Variants in RPS6KC1 observed in about 807,000 individuals in gnomAD.
The protein encoded by RPS6KC1 is inactive ribosomal protein S6 kinase delta-1.
RPS6KC1 carries 54 observed loss-of-function variants against 103.8 expected under a neutral mutation model. The ratio of observed to expected loss-of-function variants is 0.52; its 90% CI spans 0.42 to 0.65. The LOEUF (loss-of-function observed/expected upper bound fraction) is 0.65. RPS6KC1 is among the 30% of genes least tolerant of loss of function. RPS6KC1 has a pLI of 0.00. For missense variants in RPS6KC1, 1,151 were observed against 1,253.8 expected (o/e 0.92, Z 1.24); for synonymous variants, 439 against 438.7 (o/e 1.00, Z -0.01).
At chr1:213,465,862 C>T in the RPS6KC1 span, among the ~76,000 whole-genome samples, 1 of 152,066 alleles carries the variant, frequency 6.6e-6, no homozygotes, top group Non-Finnish European at 1.5e-5. Context: ...GCTTGTGATT[C>T]CCAGGCTCAG....
At chr1:213,209,321 C>T (rs1198610992) in intron 8 of RPS6KC1, among the ~76,000 whole-genome samples, 1 of 152,168 alleles carries the variant, frequency 6.6e-6, no homozygotes, top group Non-Finnish European at 1.5e-5. Flanking sequence ...TTGATCCAAA[C>T]CCCAAGAGAG....
the RPS6KC1 span, among the ~76,000 whole-genome samples, chr1:213,560,009 A>G: frequency 6.6e-6 from 1 of 152,102 alleles, no homozygotes; most frequent in Non-Finnish European, 1.5e-5. Flanking sequence ...GACAGAAGAG[A>G]TGATGAAACT....
chr1:213,469,780 G>T, the RPS6KC1 span, among the ~76,000 whole-genome samples: 1 of 152,312 alleles, frequency 6.6e-6, no homozygotes, highest in Non-Finnish European at 1.5e-5. Context: ...TCTTTGGGAG[G>T]CCAAGGCAGG....
At chr1:213,680,252 A>G in the RPS6KC1 span, among the ~76,000 whole-genome samples, 28 of 152,272 alleles carry the variant, frequency 1.8e-4, no homozygotes, top group African/African-American at 6.7e-4. Context: ...GTTGAATCGG[A>G]GGTTACAACG....
At chr1:213,630,078 C>T in the RPS6KC1 span, among the ~76,000 whole-genome samples, 1 of 152,158 alleles carries the variant, frequency 6.6e-6, no homozygotes, top group East Asian at 1.9e-4. Flanking sequence ...TTGCTCTTCT[C>T]AAGGAGTATC....
chr1:213,126,077 T>C (rs2084958028), intron 5 of RPS6KC1, among the ~76,000 whole-genome samples: 1 of 152,136 alleles, frequency 6.6e-6, no homozygotes, highest in Non-Finnish European at 1.5e-5. Context: ...TGTGATTAGC[T>C]ATATAAACCA....
the RPS6KC1 span, among the ~76,000 whole-genome samples, chr1:213,703,991 T>A: frequency 6.6e-6 from 1 of 152,168 alleles, no homozygotes; most frequent in Non-Finnish European, 1.5e-5. Flanking sequence ...ATTTTCTAGA[T>A]CCTGTTATTT....
the RPS6KC1 span, among the ~76,000 whole-genome samples, chr1:213,551,538 G>GTA: frequency 3.3e-5 from 5 of 152,254 alleles, no homozygotes; most frequent in Middle Eastern, 3.4e-3. Context: ...GTACATGTAT[G>GTA]TATATATATG....
At chr1:213,345,498 A>T in the RPS6KC1 span, among the ~76,000 whole-genome samples, 4 of 152,224 alleles carry the variant, frequency 2.6e-5, no homozygotes, top group Non-Finnish European at 5.9e-5. Context: ...TTTACAGATC[A>T]TCTGAGGCTC....
At chr1:213,840,460 T>C in the RPS6KC1 span, 7 of 152,194 alleles carry the variant, frequency 4.6e-5, no homozygotes, top group African/African-American at 1.7e-4. Flanking sequence ...AAACAGGTTA[T>C]ATTTATAGTG....
the RPS6KC1 span, among the ~76,000 whole-genome samples, chr1:213,696,442 C>A: frequency 8.3e-4 from 116 of 140,398 alleles, no homozygotes; most frequent in African/African-American, 3.2e-3. Context: ...GCGGAGACTG[C>A]GGTGAGCCGA....
chr1:213,854,416 G>A, the RPS6KC1 span, among the ~76,000 whole-genome samples: 1 of 152,114 alleles, frequency 6.6e-6, no homozygotes, highest in South Asian at 2.1e-4. Context: ...ACTCCATTTG[G>A]AGTAGGTTTT....
At chr1:213,745,728 A>C in the RPS6KC1 span, among the ~76,000 whole-genome samples, 18 of 152,232 alleles carry the variant, frequency 1.2e-4, 1 homozygote, top group South Asian at 3.7e-3. Context: ...CTTGCAATAA[A>C]CTGCAATCCT....
the RPS6KC1 span, among the ~76,000 whole-genome samples, chr1:213,529,375 AGCAGGAT>A: frequency 6.6e-6 from 1 of 152,268 alleles, no homozygotes; most frequent in East Asian, 1.9e-4. Context: ...GAGCAAGGAG[AGCAGGAT>A]GCAGGATGGG....
the RPS6KC1 span, among the ~76,000 whole-genome samples, chr1:213,483,520 T>C: frequency 6.6e-6 from 1 of 152,220 alleles, no homozygotes; most frequent in African/African-American, 2.4e-5. Context: ...ATGATTCATA[T>C]AGCAAGTGTA....
At chr1:213,857,907 A>G in the RPS6KC1 span, among the ~76,000 whole-genome samples, 1 of 152,214 alleles carries the variant, frequency 6.6e-6, no homozygotes, top group African/African-American at 2.4e-5. Context: ...GGTTTAACAA[A>G]GTGAAAAGTA....
intron 6 of RPS6KC1, among the ~76,000 whole-genome samples, chr1:213,167,074 C>T (rs1019453997): frequency 6.6e-6 from 1 of 152,172 alleles, no homozygotes; most frequent in Admixed American, 6.5e-5. Flanking sequence ...GCCAATTCCT[C>T]CCTTCTTCAA....
intron 5 of RPS6KC1, among the ~76,000 whole-genome samples, chr1:213,118,821 G>C (rs1246347261): frequency 6.6e-6 from 1 of 152,092 alleles, no homozygotes; most frequent in African/African-American, 2.4e-5. Flanking sequence ...ACTCCACCCT[G>C]ATTCTGCCAG....
At position 213,242,594 on chromosome 1, in the gene RPS6KC1, C is replaced by T. The variant is rs2094381310; in HGVS notation, c.2847C>T (p.Ser949=). 1 of 1,610,950 alleles carries T rather than the reference C, an allele frequency of 6.2e-7. No homozygotes were observed. The highest frequency in any genetic ancestry group is 1.1e-5 in the South Asian group (1 of 90,974). ...DRGHIQLTYF[S]RWSEVEDSCD... is the part of the protein sequence containing the mutation. ...GACACATTCAGCTAACGTATTTTAGCAGGTGGAGTGAGGTTGAAGATTCCT... is the reference window on the plus strand; with the variant it reads ...GACACATTCAGCTAACGTATTTTAGTAGGTGGAGTGAGGTTGAAGATTCCT... The change falls in exon 12 of 15, where the codon AGC becomes AGT. Residue 949 remains serine, a synonymous_variant. Transcript: ENST00000366960.
Sources: gnomAD v4.1 joint callset for allele counts (sites outside exome capture counted in the v4.1 genomes callset) on GRCh38, gnomAD v4.1.1 for gene constraint, MANE v1.5 for transcripts, NCBI Gene and HGNC (gene_info 2026-07-23, HGNC 2026-07-21) for gene names.